The following L3MBTL4 variants were observed in gnomAD, a reference collection of about 807,000 sequenced individuals.
L3MBTL4 encodes the protein lethal(3)malignant brain tumor-like protein 4.
A neutral mutation model predicts 84.5 loss-of-function variants in L3MBTL4; 70 were observed. That is an observed-to-expected ratio of 0.83 (90% confidence interval 0.68 to 1.01). L3MBTL4 has a LOEUF of 1.01. Ranked by LOEUF, L3MBTL4 falls within the 50% of genes least tolerant of loss-of-function variation. The probability of loss-of-function intolerance (pLI) is 0.00; values close to 1 mark genes in which losing one functional copy is unlikely to be tolerated. For missense variants in L3MBTL4, 715 were observed against 754.8 expected (o/e 0.95, Z 0.62); for synonymous variants, 274 against 259.8 (o/e 1.05, Z -0.52).
intron 1 of L3MBTL4, among the ~76,000 whole-genome samples, chr18:6,318,494 TAAAAAAAAA>T (rs71370550): frequency 0.015 from 211 of 14,200 alleles, 1 homozygote; most frequent in African/African-American, 0.047. Context: ...ACAACAATAG[TAAAAAAAAA>T]AAAAAAAAAA....
At position 6,112,875 on chromosome 18, in the gene L3MBTL4, G is replaced by T. The variant is rs544496751; in HGVS notation, c.1200-19347C>A. ...ATTAATGAAAGGTAATCTTTAAGAT[G>T]CATGATTGATACAATAGCTTCCTTT... On this transcript the variant is annotated intron_variant, in intron 14 of 18. Transcript: ENST00000317931. Among the ~76,000 whole-genome samples the T allele has an allele frequency of 1.3e-5, 2 of 152,214 alleles. 1 individual carries two copies. Among genetic ancestry groups the T allele is most frequent in the African/African-American group, 4.8e-5 (2 of 41,538 alleles).
chr18:6,372,690 A>T (rs12326749), intron 1 of L3MBTL4, among the ~76,000 whole-genome samples: 2 of 152,100 alleles, frequency 1.3e-5, no homozygotes, highest in African/African-American at 4.8e-5. Flanking sequence ...AAGTGTCCTC[A>T]CCTGTACATT....
At chr18:6,238,762 T>C (rs1027144988) in intron 9 of L3MBTL4, among the ~76,000 whole-genome samples, 1 of 151,934 alleles carries the variant, frequency 6.6e-6, no homozygotes, top group South Asian at 2.1e-4. Context: ...CAACAATACC[T>C]CTCTGCTTTG....
At chr18:6,141,649 G>A (rs1044830204) in intron 13 of L3MBTL4, among the ~76,000 whole-genome samples, 2 of 151,818 alleles carry the variant, frequency 1.3e-5, no homozygotes, top group Admixed American at 6.6e-5. Context: ...CCTATCAATC[G>A]GTCCTCAATT....
At chr18:6,078,475 A>G (rs1191950240) in intron 16 of L3MBTL4, among the ~76,000 whole-genome samples, 2 of 151,360 alleles carry the variant, frequency 1.3e-5, no homozygotes, top group East Asian at 1.9e-4. Flanking sequence ...AAGGAAGGAC[A>G]TGGGTACTGG....
chr18:6,149,021 T>A (rs990898658), intron 13 of L3MBTL4, among the ~76,000 whole-genome samples: 4 of 152,140 alleles, frequency 2.6e-5, no homozygotes, highest in African/African-American at 9.7e-5. Flanking sequence ...AAAGAAATTA[T>A]AAAGAAATAA....
intron 13 of L3MBTL4, among the ~76,000 whole-genome samples, chr18:6,149,155 G>A (rs895190588): frequency 2.0e-5 from 3 of 151,056 alleles, no homozygotes; most frequent in South Asian, 2.1e-4. Flanking sequence ...CTATCAACTC[G>A]TCATTTAGCA....
chr18:5,969,361 C>A (rs2052517151), intron 17 of L3MBTL4, 32 bp downstream of exon 17: 1 of 1,612,448 alleles, frequency 6.2e-7, no homozygotes, highest in Non-Finnish European at 8.5e-7. Flanking sequence ...GCAGGCACAC[C>A]CCAGCCCTGG....
intron 1 of L3MBTL4, among the ~76,000 whole-genome samples, chr18:6,333,054 A>T (rs1278757041): frequency 6.6e-6 from 1 of 152,182 alleles, no homozygotes; most frequent in African/African-American, 2.4e-5. Context: ...CAACTACCTT[A>T]AAAGACCTCA....
chr18:6,193,012 T>G (rs956714379), intron 12 of L3MBTL4, among the ~76,000 whole-genome samples: 1 of 151,972 alleles, frequency 6.6e-6, no homozygotes. Flanking sequence ...GGCTGCAGAT[T>G]GACGGAGTTG....
At chr18:6,029,698 A>G (rs2055687230) in intron 16 of L3MBTL4, 1 of 985,190 alleles carries the variant, frequency 1.0e-6, no homozygotes, top group South Asian at 4.7e-5. Flanking sequence ...CAAGTTCACA[A>G]AGGGTAAAAT....
At chr18:6,118,746 A>G (rs906021858) in intron 14 of L3MBTL4, among the ~76,000 whole-genome samples, 14 of 152,204 alleles carry the variant, frequency 9.2e-5, no homozygotes, top group African/African-American at 3.4e-4. Flanking sequence ...ACCCTTAAAA[A>G]CATAACATAA....
chr18:6,168,697 C>A (rs1185670817), intron 13 of L3MBTL4, among the ~76,000 whole-genome samples: 4 of 151,846 alleles, frequency 2.6e-5, no homozygotes, highest in Admixed American at 2.6e-4. Flanking sequence ...TAAAGACTTA[C>A]ATGTTAGACC....
At chr18:6,196,172 T>TG (rs1490684107) in intron 12 of L3MBTL4, among the ~76,000 whole-genome samples, 1 of 149,860 alleles carries the variant, frequency 6.7e-6, no homozygotes, top group Non-Finnish European at 1.5e-5. Flanking sequence ...TTTTTTTTTT[T>TG]TTTGAGACTG....
chr18:6,375,750 G>A (rs976780306), intron 1 of L3MBTL4, among the ~76,000 whole-genome samples: 1 of 152,102 alleles, frequency 6.6e-6, no homozygotes, highest in African/African-American at 2.4e-5. Context: ...CAAAAAGAAT[G>A]GGGTGGAATC....
chr18:6,179,178 C>T (rs540561773), intron 12 of L3MBTL4, among the ~76,000 whole-genome samples: 16 of 152,208 alleles, frequency 1.1e-4, no homozygotes, highest in African/African-American at 3.9e-4. Context: ...TTTTTAATTT[C>T]CACTTTAATA....
intron 1 of L3MBTL4, among the ~76,000 whole-genome samples, chr18:6,378,654 C>CTCTGT (rs1204623645): frequency 6.6e-6 from 1 of 152,082 alleles, no homozygotes; most frequent in Non-Finnish European, 1.5e-5. Flanking sequence ...TTTCTGAGGC[C>CTCTGT]TCTGTTCTGT....
intron 16 of L3MBTL4, among the ~76,000 whole-genome samples, chr18:6,005,357 A>G (rs1043544215): frequency 6.6e-6 from 1 of 152,152 alleles, no homozygotes; most frequent in Non-Finnish European, 1.5e-5. Flanking sequence ...CAAACACAAC[A>G]AAAAGGAGCA....
At position 6,089,175 on chromosome 18, in the gene L3MBTL4, G is replaced by A. The variant is rs1377796120; in HGVS notation, c.1373+4180C>T. On this transcript the variant is annotated intron_variant, in intron 15 of 18. Transcript: ENST00000317931. ...AACCAGCTAATAGACAATATGGGGA[G>A]TAGAGGGGAGCTGCATTCCAAAGTA... 8.5e-5 allele frequency among the ~76,000 whole-genome samples: 13 copies of A among 152,194 alleles called. No homozygotes were observed. The East Asian group carries it at 2.3e-3, about 27-fold the overall frequency.
Sources: allele counts gnomAD v4.1 joint callset (sites outside exome capture counted in the v4.1 genomes callset), GRCh38; gene constraint gnomAD v4.1.1; transcripts MANE v1.5; gene names NCBI Gene and HGNC (gene_info 2026-07-23, HGNC 2026-07-21).